The following ZFHX3 variants were observed in gnomAD, a reference collection of about 807,000 sequenced individuals.
ZFHX3 encodes the protein zinc finger homeobox protein 3.
A neutral mutation model predicts 279.1 loss-of-function variants in ZFHX3; 42 were observed. That is an observed-to-expected ratio of 0.15 (90% CI 0.12 to 0.19). The LOEUF is 0.19. ZFHX3 is among the 10% of genes least tolerant of loss of function. The probability of loss-of-function intolerance (pLI) is 1.00; values close to 1 mark genes in which losing one functional copy is unlikely to be tolerated. For missense variants in ZFHX3, 4,981 were observed against 4,754.0 expected, an observed-to-expected ratio of 1.05 and a Z score of -1.40; for synonymous variants, 2,293 against 1,957.8, an observed-to-expected ratio of 1.17 and a Z score of -4.52.
At chr16:73,511,419 A>T (rs1305635769) in intron 2 of ZFHX3, among the ~76,000 whole-genome samples, 1 of 152,222 alleles carries the variant, frequency 6.6e-6, no homozygotes, top group East Asian at 1.9e-4. Flanking sequence ...GACATGCAGT[A>T]GCATCCCAGT....
chr16:73,316,073 C>A (rs2015440842), intron 4 of ZFHX3, among the ~76,000 whole-genome samples: 1 of 152,154 alleles, frequency 6.6e-6, no homozygotes. Context: ...ACAGTGTCTC[C>A]TTTGTTGGAT....
intron 2 of ZFHX3, among the ~76,000 whole-genome samples, chr16:73,588,259 T>A (rs963017051): frequency 5.3e-5 from 8 of 152,082 alleles, no homozygotes; most frequent in African/African-American, 1.9e-4. Context: ...AGATAAAGAA[T>A]GTACGTAGAA....
intron 4 of ZFHX3, among the ~76,000 whole-genome samples, chr16:73,307,739 A>T (rs1221782622): frequency 6.6e-6 from 1 of 152,110 alleles, no homozygotes; most frequent in African/African-American, 2.4e-5. Flanking sequence ...CACAGTTGAA[A>T]TTTTCCTTAA....
Position 72,798,376 on chromosome 16 carries a change from G to A in ZFHX3, c.4306C>T (p.Arg1436Cys), listed in dbSNP as rs751910404. ...RAATMCCLCQ[R>C]SFRTFQALKK... ...AGAGCCTGGAAAGTTCGGAAACTGC[G>A]CTGACAAAGACAGCACATGGTGGCA... Residue 1436 changes from arginine (R) to cysteine (C), a missense_variant, in exon 9 of 10, where the codon CGC becomes TGC. Transcript: ENST00000268489. 8 of 1,614,078 alleles carry A rather than the reference G, an allele frequency of 5.0e-6. No individual in the cohort carries two copies. In the African/African-American group the frequency reaches 6.7e-5, roughly 13 times the overall value.
At chr16:73,023,843 C>G (rs900867925) in intron 1 of ZFHX3, among the ~76,000 whole-genome samples, 1 of 152,160 alleles carries the variant, frequency 6.6e-6, no homozygotes, top group Non-Finnish European at 1.5e-5. Flanking sequence ...GGCCACGTGG[C>G]TCCATCCACG....
intron 8 of ZFHX3, among the ~76,000 whole-genome samples, chr16:73,070,963 C>A (rs1437536195): frequency 9.0e-5 from 13 of 144,008 alleles, no homozygotes; most frequent in Non-Finnish European, 1.5e-5. Context: ...CACACACACA[C>A]ACACACACAT....
At chr16:73,485,267 T>C (rs1345890433) in intron 2 of ZFHX3, among the ~76,000 whole-genome samples, 12 of 152,112 alleles carry the variant, frequency 7.9e-5, no homozygotes, top group Admixed American at 6.6e-4. Flanking sequence ...CCAACCATGA[T>C]ACTGGTTTCT....
At chr16:73,117,963 C>A (rs1597163049) in intron 7 of ZFHX3, among the ~76,000 whole-genome samples, 1 of 152,190 alleles carries the variant, frequency 6.6e-6, no homozygotes, top group Admixed American at 6.6e-5. Context: ...AAATACATTT[C>A]TGTTGTTTAT....
chr16:73,517,848 G>A (rs974496719), intron 2 of ZFHX3, among the ~76,000 whole-genome samples: 3 of 152,152 alleles, frequency 2.0e-5, no homozygotes, highest in Admixed American at 6.6e-5. Flanking sequence ...AATATCACGT[G>A]AGTCCCAAAT....
intron 3 of ZFHX3, among the ~76,000 whole-genome samples, chr16:73,397,443 G>T (rs974906172): frequency 6.6e-6 from 1 of 152,012 alleles, no homozygotes; most frequent in Non-Finnish European, 1.5e-5. Flanking sequence ...GAAGCCACTA[G>T]GGTGTTTTAA....
chr16:73,092,427 C>G (rs1452381622), intron 8 of ZFHX3: 4 of 153,590 alleles, frequency 2.6e-5, no homozygotes, highest in African/African-American at 9.7e-5. Context: ...CCAAACCTTG[C>G]ACTGAAAGGA....
At chr16:73,171,980 A>G (rs955012692) in intron 5 of ZFHX3, among the ~76,000 whole-genome samples, 3 of 152,208 alleles carry the variant, frequency 2.0e-5, no homozygotes, top group Non-Finnish European at 4.4e-5. Context: ...ATTATGTATC[A>G]ATAAAAAAAT....
chr16:73,502,398 T>C (rs918124974), intron 2 of ZFHX3, among the ~76,000 whole-genome samples: 72 of 152,362 alleles, frequency 4.7e-4, no homozygotes, highest in Non-Finnish European at 9.0e-4. Context: ...TGTAACTCCT[T>C]GCCCCAGTAA....
At chr16:73,058,562 G>A (rs1172576736) in exon 1 of ZFHX3, 2 of 216,452 alleles carry the variant, frequency 9.2e-6, no homozygotes, top group Non-Finnish European at 1.8e-5. Flanking sequence ...CGGCTGCAGC[G>A]GCGCTGCTGG....
At chr16:73,143,985 C>T (rs1169473701) in intron 5 of ZFHX3, among the ~76,000 whole-genome samples, 1 of 152,080 alleles carries the variant, frequency 6.6e-6, no homozygotes, top group South Asian at 2.1e-4. Context: ...CAAGTCACCC[C>T]CTTGTCGGCC....
chr16:73,026,689 A>AAAAAAAAAAC (rs1555543115), intron 1 of ZFHX3, among the ~76,000 whole-genome samples: 5 of 150,832 alleles, frequency 3.3e-5, no homozygotes, highest in African/African-American at 9.9e-5. Context: ...AAAAAAAAAA[A>AAAAAAAAAAC]AAAAAACACA....
chr16:72,890,680 T>C (rs1309141657), intron 3 of ZFHX3, among the ~76,000 whole-genome samples: 1 of 152,238 alleles, frequency 6.6e-6, no homozygotes, highest in Non-Finnish European at 1.5e-5. Flanking sequence ...TGGCACAAGG[T>C]TAAAGGTTTC....
chr16:73,019,420 GT>G (rs1964222991), intron 1 of ZFHX3, among the ~76,000 whole-genome samples: 1 of 152,042 alleles, frequency 6.6e-6, no homozygotes, highest in African/African-American at 2.4e-5. Context: ...GGGCTGCCTG[GT>G]TTACAGGCCA....
chr16:72,867,898 T>C (rs1014866017), intron 4 of ZFHX3, among the ~76,000 whole-genome samples: 4 of 152,072 alleles, frequency 2.6e-5, no homozygotes, highest in Non-Finnish European at 5.9e-5. Context: ...AGGCCAAAAA[T>C]GGTGACAATA....
Sources: allele counts gnomAD v4.1 joint callset (sites outside exome capture counted in the v4.1 genomes callset), GRCh38; gene constraint gnomAD v4.1.1; transcripts MANE v1.5; gene names NCBI Gene and HGNC (gene_info 2026-07-23, HGNC 2026-07-21).